RP1: variants seen among roughly 807,000 people sequenced by gnomAD.
The protein encoded by RP1 is oxygen-regulated protein 1.
A neutral mutation model predicts 14.8 loss-of-function variants in RP1; 16 were observed. That is an observed-to-expected ratio of 1.08 (90% CI 0.73 to 1.65). The LOEUF is 1.65. Among genes scored for constraint, RP1 ranks in the 40% most tolerant of loss-of-function variants. The pLI is 0.00. For missense variants in RP1, 2,631 were observed against 2,535.0 expected, an observed-to-expected ratio of 1.04 and a Z score of -0.81; for synonymous variants, 876 against 883.6, an observed-to-expected ratio of 0.99 and a Z score of 0.15.
chr8:54,677,486 C>T (rs1005406480), intron 8 of RP1, among the ~76,000 whole-genome samples: 4 of 152,126 alleles, frequency 2.6e-5, no homozygotes, highest in East Asian at 1.9e-4. Context: ...CAGCATGTTG[C>T]GAGGCTGAGG....
At chr8:54,582,214 T>A (rs1317123061) in intron 1 of RP1, among the ~76,000 whole-genome samples, 1 of 151,844 alleles carries the variant, frequency 6.6e-6, no homozygotes, top group Non-Finnish European at 1.5e-5. Context: ...TTCAGCTTTC[T>A]ACATATGGCT....
intron 27 of RP1, among the ~76,000 whole-genome samples, chr8:54,863,910 C>G (rs1227378111): frequency 1.3e-5 from 2 of 152,196 alleles, no homozygotes; most frequent in Non-Finnish European, 2.9e-5. Flanking sequence ...GGTCATGGTG[C>G]ATTTCTTATC....
At chr8:54,631,923 C>A (rs375137499), downstream of RP1, among the ~76,000 whole-genome samples, 7 of 151,966 alleles carry the variant, frequency 4.6e-5, no homozygotes, top group South Asian at 2.1e-4. Flanking sequence ...CTCACCGCAA[C>A]CCCTGCCTCC....
At chr8:54,649,034 G>A in exon 4 of RP1, 1 of 1,528,888 alleles carries the variant, frequency 6.5e-7, no homozygotes, top group Non-Finnish European at 8.7e-7. Flanking sequence ...CAGATGCAGG[G>A]ACCAGCTCAC....
intron 26 of RP1, among the ~76,000 whole-genome samples, chr8:54,855,548 G>A (rs1160976348): frequency 6.6e-6 from 1 of 152,146 alleles, no homozygotes; most frequent in Non-Finnish European, 1.5e-5. Flanking sequence ...CATTAAGAGA[G>A]TAAAAAGGGA....
At chr8:54,836,185 G>C (rs914665252) in intron 24 of RP1, among the ~76,000 whole-genome samples, 1 of 152,194 alleles carries the variant, frequency 6.6e-6, no homozygotes, top group African/African-American at 2.4e-5. Context: ...GTGATGATGA[G>C]ACCATTTATG....
At chr8:54,832,181 T>C (rs942994278) in intron 24 of RP1, among the ~76,000 whole-genome samples, 3 of 151,844 alleles carry the variant, frequency 2.0e-5, no homozygotes, top group African/African-American at 7.2e-5. Flanking sequence ...TGTGGGTTGC[T>C]GTTTTTCACC....
At chr8:54,758,795 A>T in intron 21 of RP1, 1 of 926,164 alleles carries the variant, frequency 1.1e-6, no homozygotes, top group South Asian at 1.8e-5. Context: ...GATGCTAACT[A>T]CAGTAACATC....
intron 12 of RP1, among the ~76,000 whole-genome samples, chr8:54,689,043 G>T (rs1002798132): frequency 4.6e-5 from 7 of 152,086 alleles, no homozygotes; most frequent in East Asian, 1.9e-4. Context: ...TTGTAAGTTG[G>T]ATTCCTAGGT....
At chr8:54,845,291 G>C (rs1811890414) in intron 25 of RP1, among the ~76,000 whole-genome samples, 1 of 152,200 alleles carries the variant, frequency 6.6e-6, no homozygotes, top group Non-Finnish European at 1.5e-5. Context: ...GCCTTCTTTA[G>C]ATGATTCATA....
intron 1 of RP1, 45 bp from the exon 2 acceptor site, chr8:54,620,910 C>T (rs1585557311): frequency 5.2e-6 from 8 of 1,552,972 alleles, no homozygotes; most frequent in African/African-American, 2.7e-5. Context: ...ACCATGTATT[C>T]GCTATGGTGC....
intron 1 of RP1, among the ~76,000 whole-genome samples, chr8:54,597,494 C>A (rs1171182566): frequency 6.6e-6 from 1 of 151,982 alleles, no homozygotes; most frequent in Non-Finnish European, 1.5e-5. Flanking sequence ...CATGAGTCTA[C>A]AGGACTGGGA....
intron 24 of RP1, among the ~76,000 whole-genome samples, chr8:54,804,412 A>C (rs1485457137): frequency 2.0e-5 from 3 of 152,242 alleles, no homozygotes; most frequent in Non-Finnish European, 4.4e-5. Context: ...GTAGACATTC[A>C]TCATTTTGCC....
At chr8:54,586,362 T>C (rs1264528955) in intron 1 of RP1, among the ~76,000 whole-genome samples, 1 of 152,212 alleles carries the variant, frequency 6.6e-6, no homozygotes, top group Non-Finnish European at 1.5e-5. Context: ...CTGGAATTTT[T>C]GTCTCAGAGG....
chr8:54,677,210 C>T (rs1352824033), intron 8 of RP1, among the ~76,000 whole-genome samples: 1 of 151,784 alleles, frequency 6.6e-6, no homozygotes, highest in Non-Finnish European at 1.5e-5. Context: ...CAAACTGGGG[C>T]ATTTGATCAC....
At chr8:54,834,618 G>A (rs189869308) in intron 24 of RP1, among the ~76,000 whole-genome samples, 75 of 137,404 alleles carry the variant, frequency 5.5e-4, no homozygotes, top group Non-Finnish European at 1.1e-3. Flanking sequence ...GATGTGTAGA[G>A]GAGAAGAGTA....
chr8:54,862,106 CAAAG>C (rs1354174281), intron 27 of RP1, among the ~76,000 whole-genome samples: 1 of 152,088 alleles, frequency 6.6e-6, no homozygotes, highest in Non-Finnish European at 1.5e-5. Context: ...AGTCACACAA[CAAAG>C]AATTATCAGG....
chr8:54,590,744 A>G (rs1805028424), intron 1 of RP1, among the ~76,000 whole-genome samples: 1 of 152,150 alleles, frequency 6.6e-6, no homozygotes, highest in Non-Finnish European at 1.5e-5. Context: ...ATTACTCTCA[A>G]ATTTACATAC....
intron 21 of RP1, among the ~76,000 whole-genome samples, chr8:54,758,450 G>A (rs1809561045): frequency 6.8e-6 from 1 of 146,584 alleles, no homozygotes; most frequent in Non-Finnish European, 1.5e-5. Context: ...TTGAAGGAGG[G>A]AGGGAAGGAG....
Sources: gnomAD v4.1 joint callset for allele counts (sites outside exome capture counted in the v4.1 genomes callset) on GRCh38, gnomAD v4.1.1 for gene constraint, MANE v1.5 for transcripts, NCBI Gene and HGNC (gene_info 2026-07-23, HGNC 2026-07-21) for gene names.